Variants in ARID3B observed in about 807,000 individuals in gnomAD.
ARID3B encodes AT-rich interaction domain 3B, also known as AT-rich interactive domain-containing protein 3B.
Under a neutral mutation model 51.9 loss-of-function variants are expected in ARID3B, and 10 were observed. That is an observed-to-expected ratio of 0.19 (90% CI 0.12 to 0.33). The LOEUF is 0.33. Ranked by LOEUF, ARID3B falls within the 10% of genes least tolerant of loss-of-function variation. The probability of loss-of-function intolerance (pLI) is 1.00; values close to 1 mark genes in which losing one functional copy is unlikely to be tolerated. For synonymous variants in ARID3B, 205 were observed against 279.5 expected, an observed-to-expected ratio of 0.73 and a Z score of 2.66; for missense variants, 483 against 716.3, an observed-to-expected ratio of 0.67 and a Z score of 3.72.
intron 2 of ARID3B, among the ~76,000 whole-genome samples, chr15:74,556,369 T>A (rs1374310282): frequency 1.3e-5 from 2 of 152,110 alleles, no homozygotes; most frequent in African/African-American, 4.8e-5. Context: ...GATTCTAGGC[T>A]CTCCAAAGCA....
intron 2 of ARID3B, among the ~76,000 whole-genome samples, chr15:74,555,344 T>C (rs926218559): frequency 6.6e-6 from 1 of 152,080 alleles, no homozygotes; most frequent in Non-Finnish European, 1.5e-5. Flanking sequence ...TTTTTTTCTT[T>C]TTTGAAGCAG....
chr15:74,558,979 G>A (rs1031629958), intron 2 of ARID3B, among the ~76,000 whole-genome samples: 2 of 152,162 alleles, frequency 1.3e-5, no homozygotes, highest in African/African-American at 2.4e-5. Flanking sequence ...CAGATGGCAC[G>A]GTTCCTTGCA....
At chr15:74,594,974 GA>G (rs899578646) in intron 8 of ARID3B, among the ~76,000 whole-genome samples, 3 of 152,204 alleles carry the variant, frequency 2.0e-5, no homozygotes, top group African/African-American at 7.2e-5. Context: ...CTGTCAAGGA[GA>G]AAGGAGAAGG....
intron 4 of ARID3B, among the ~76,000 whole-genome samples, chr15:74,588,593 C>A (rs1276862561): frequency 6.6e-6 from 1 of 152,144 alleles, no homozygotes; most frequent in African/African-American, 2.4e-5. Context: ...GACGGTGACC[C>A]TTCCCTGTGG....
chr15:74,558,611 A>G (rs1278493556), intron 2 of ARID3B, among the ~76,000 whole-genome samples: 1 of 152,194 alleles, frequency 6.6e-6, no homozygotes, highest in Non-Finnish European at 1.5e-5. Flanking sequence ...AGCTTTCAAC[A>G]AGTATCAACA....
intron 2 of ARID3B, among the ~76,000 whole-genome samples, chr15:74,562,892 T>C (rs894683112): frequency 6.6e-6 from 1 of 152,216 alleles, no homozygotes; most frequent in Non-Finnish European, 1.5e-5. Context: ...CAAATTCTTA[T>C]GTTTAGCTCT....
intron 2 of ARID3B, among the ~76,000 whole-genome samples, chr15:74,553,021 A>G (rs2061643759): frequency 1.3e-5 from 2 of 152,166 alleles, no homozygotes; most frequent in African/African-American, 4.8e-5. Flanking sequence ...CTGTGTCTCA[A>G]AGTGGGTGTA....
chr15:74,553,799 T>A (rs914319513), intron 2 of ARID3B, among the ~76,000 whole-genome samples: 2 of 148,894 alleles, frequency 1.3e-5, no homozygotes, highest in African/African-American at 2.5e-5. Context: ...TTTTGTTTTT[T>A]AATTTTTATT....
In ARID3B at chr15:74,591,563, A is replaced by G. The variant is rs1485056816; in HGVS notation, c.1169A>G (p.Asp390Gly). The G allele has an allele frequency of 2.5e-6, 4 of 1,610,958 alleles. No individual in the cohort carries two copies. The highest frequency in any genetic ancestry group is 1.3e-5 in the African/African-American group (1 of 74,984). ...ISPATTLRKG[D>G]GAPVTTVPVP... ...TCCAGCTCCAGTTCCTTTGCAGGTG[A>G]TGGAGCCCCAGTGACAACAGTGCCT... is the stretch of plus-strand genomic sequence containing the variant. The change falls in exon 7 of 9, where the codon GAT becomes GGT. Residue 390 changes from aspartate (D) to glycine (G), a missense_variant. Asp to Gly is a moderately conservative substitution (Grantham distance 94, BLOSUM62 -1). Transcript: ENST00000346246. The surrounding 1 kb of genome is among the most constrained non-coding windows in gnomAD (Gnocchi z 5.8).
At chr15:74,567,442 T>G (rs1450656224) in intron 2 of ARID3B, among the ~76,000 whole-genome samples, 1 of 152,190 alleles carries the variant, frequency 6.6e-6, no homozygotes, top group Non-Finnish European at 1.5e-5. Flanking sequence ...AACAATTTTT[T>G]TTTTTTTTAG....
At chr15:74,562,124 A>ATTTTCTTTTC (rs200129208) in intron 2 of ARID3B, among the ~76,000 whole-genome samples, 31 of 149,232 alleles carry the variant, frequency 2.1e-4, no homozygotes, top group African/African-American at 4.9e-4. Context: ...CGACAACGGT[A>ATTTTCTTTTC]TTTTCTTTTC....
intron 2 of ARID3B, among the ~76,000 whole-genome samples, chr15:74,565,403 C>T (rs1284419745): frequency 2.0e-5 from 3 of 152,124 alleles, no homozygotes; most frequent in African/African-American, 4.8e-5. Context: ...TCAGTATGCA[C>T]AATGGCAATT....
At chr15:74,565,206 A>G (rs951937468) in intron 2 of ARID3B, among the ~76,000 whole-genome samples, 1 of 151,878 alleles carries the variant, frequency 6.6e-6, no homozygotes, top group Non-Finnish European at 1.5e-5. Context: ...CACCATGCCC[A>G]GCTAATTTTT....
At chr15:74,548,185 G>A (rs182831141) in intron 2 of ARID3B, among the ~76,000 whole-genome samples, 1 of 152,326 alleles carries the variant, frequency 6.6e-6, no homozygotes, top group Admixed American at 6.5e-5. Context: ...TCTCAAAGGA[G>A]ATCATACAGC....
chr15:74,544,114 C>T lies in ARID3B; in HGVS notation c.178C>T (p.Pro60Ser), dbSNP rs368293965. 5.6e-6 allele frequency: 9 copies of T among 1,613,874 alleles called. No individual in the cohort carries two copies. In the African/African-American group the frequency reaches 1.2e-4, roughly 22 times the overall value. ...PTLLSATAGRPSGSTPLGPLA... is the reference protein window; with the variant it reads ...PTLLSATAGRSSGSTPLGPLA... ...TCTCCTTTCCGCCACAGCTGGGAGA[C>T]CTTCTGGCAGCACTCCCTTAGGTCC... Residue 60 changes from proline to serine, a missense_variant, in exon 2 of 9, where the codon CCT becomes TCT. Around this residue, in one of 3 missense-constraint regions of ARID3B, gnomAD observed 182 missense variants for 244.5 expected, o/e 0.74. Coordinates refer to ENST00000346246, the MANE Select transcript of ARID3B (RefSeq NM_006465.4).
At position 74,589,999 on chromosome 15, in the gene ARID3B, A is replaced by T. The variant is rs2061797494; in HGVS notation, c.877A>T (p.Thr293Ser). 6.2e-7 allele frequency: 1 copy of T among 1,609,844 alleles called. No homozygotes were observed. Among genetic ancestry groups the T allele is most frequent in the African/African-American group, 1.3e-5 (1 of 74,828 alleles). ...SITSAAFTLR[T>S]QYMKYLYAYE... is the part of the protein sequence containing the mutation. ...CACCAGCGCCGCCTTCACCCTCAGGACGCAGTGAGTGGCCAGGGCCTGGGA... is the reference window on the plus strand; with the variant it reads ...CACCAGCGCCGCCTTCACCCTCAGGTCGCAGTGAGTGGCCAGGGCCTGGGA... Residue 293 changes from threonine (T) to serine (S), a missense_variant, in exon 5 of 9, where the codon ACG becomes TCG. Coordinates refer to ENST00000346246, the MANE Select transcript of ARID3B (RefSeq NM_006465.4).
chr15:74,585,902 A>G (rs748847262), intron 4 of ARID3B, among the ~76,000 whole-genome samples: 7 of 152,232 alleles, frequency 4.6e-5, no homozygotes, highest in Non-Finnish European at 1.0e-4. Flanking sequence ...GGATTATCTG[A>G]TGGGAGAAAG....
chr15:74,557,640 A>C (rs754357856), intron 2 of ARID3B, among the ~76,000 whole-genome samples: 1 of 151,370 alleles, frequency 6.6e-6, no homozygotes, highest in Non-Finnish European at 1.5e-5. Flanking sequence ...GAGACATACA[A>C]CTCTTCCTTT....
At chr15:74,554,218 A>G (rs186217835) in intron 2 of ARID3B, among the ~76,000 whole-genome samples, 11 of 152,124 alleles carry the variant, frequency 7.2e-5, no homozygotes, top group Admixed American at 7.2e-4. Context: ...CATGTTGGTC[A>G]GGCTGGTCTC....
Sources: allele counts gnomAD v4.1 joint callset (sites outside exome capture counted in the v4.1 genomes callset), GRCh38; gene constraint gnomAD v4.1.1; regional missense constraint gnomAD v4.1.1; non-coding constraint Gnocchi (gnomAD v3.1); transcripts MANE v1.5; gene names NCBI Gene and HGNC (gene_info 2026-07-23, HGNC 2026-07-21).